Variants in ATP2C1 observed in about 807,000 individuals in gnomAD.
ATP2C1 encodes ATPase secretory pathway Ca2+ transporting 1, also known as calcium-transporting ATPase type 2C member 1.
Under a neutral mutation model 120.5 loss-of-function variants are expected in ATP2C1, and 31 were observed. The ratio of observed to expected loss-of-function variants is 0.26; its 90% CI spans 0.19 to 0.35. The LOEUF (loss-of-function observed/expected upper bound fraction) is 0.35, where lower values mean the gene tolerates loss of function less well. Ranked by LOEUF, ATP2C1 falls within the 10% of genes least tolerant of loss-of-function variation. The pLI is 1.00. For missense variants in ATP2C1, 731 were observed against 1,107.5 expected (o/e 0.66, Z 4.83); for synonymous variants, 351 against 358.7 (o/e 0.98, Z 0.24).
chr3:130,998,433 T>C, intron 26 of ATP2C1, 44 bp downstream of exon 26: 1 of 1,382,350 alleles, frequency 7.2e-7, no homozygotes, highest in Non-Finnish European at 1.0e-6. Context: ...TTGACTCACT[T>C]GAGTAGAGTG....
chr3:130,965,927 CTTTAT>C (rs376392908), intron 14 of ATP2C1, among the ~76,000 whole-genome samples: 6 of 152,166 alleles, frequency 3.9e-5, no homozygotes, highest in African/African-American at 1.2e-4. Flanking sequence ...GAATGAATCA[CTTTAT>C]TTTAACAATT....
At chr3:131,016,043 GT>G (rs34645149) in intron 26 of ATP2C1, 1,267 of 1,265,584 alleles carry the variant, frequency 1.0e-3, no homozygotes, top group Non-Finnish European at 1.2e-3. Context: ...TTTTGTTTTG[GT>G]TTTTTTTTTT....
chr3:130,855,546 T>C (rs897421728), intron 1 of ATP2C1, among the ~76,000 whole-genome samples: 1 of 152,142 alleles, frequency 6.6e-6, no homozygotes, highest in Non-Finnish European at 1.5e-5. Context: ...GTGAAACTAG[T>C]GTCACAAACT....
downstream of ATP2C1, among the ~76,000 whole-genome samples, chr3:131,006,287 T>C (rs545536807): frequency 1.2e-4 from 18 of 152,220 alleles, no homozygotes; most frequent in South Asian, 3.7e-3. Context: ...AATTTTTGCA[T>C]ATTTAGTAGA....
chr3:130,952,102 G>A (rs796883924), intron 8 of ATP2C1, among the ~76,000 whole-genome samples: 2 of 152,108 alleles, frequency 1.3e-5, no homozygotes, highest in Non-Finnish European at 2.9e-5. Flanking sequence ...GCTCTGCAGA[G>A]GATTACCTGG....
In ATP2C1 at chr3:130,997,122, A is replaced by G. The variant is rs562042116; in HGVS notation, c.2243+326A>G. ...TGGAGAAATTTCTGGGTTCAGTTTTATTATCTAGGTTCTACTGTCAGTTTT... is the reference window on the plus strand; with the variant it reads ...TGGAGAAATTTCTGGGTTCAGTTTTGTTATCTAGGTTCTACTGTCAGTTTT... On this transcript the variant is annotated intron_variant, in intron 24 of 27. Transcript: ENST00000510168. Among the ~76,000 whole-genome samples the G allele has an allele frequency of 5.9e-5, 9 of 152,174 alleles. 1 individual carries two copies. In the South Asian group the frequency reaches 1.9e-3, roughly 32 times the overall value.
intron 4 of ATP2C1, among the ~76,000 whole-genome samples, chr3:130,933,841 G>A (rs1185253358): frequency 1.3e-5 from 2 of 152,208 alleles, no homozygotes; most frequent in Admixed American, 1.3e-4. Flanking sequence ...GGGCTTTGGA[G>A]GTGGTGGCAT....
At chr3:130,987,231 C>G (rs577234807) in intron 20 of ATP2C1, among the ~76,000 whole-genome samples, 1 of 152,232 alleles carries the variant, frequency 6.6e-6, no homozygotes, top group Non-Finnish European at 1.5e-5. Context: ...CTTCTGGGCT[C>G]AAGTGATCCT....
chr3:130,907,970 G>A (rs1157470670), intron 2 of ATP2C1, among the ~76,000 whole-genome samples: 5 of 152,074 alleles, frequency 3.3e-5, no homozygotes, highest in Admixed American at 1.3e-4. Context: ...AGAAATAGAA[G>A]GCCAAAAGGT....
chr3:130,952,636 C>T (rs1209079641), intron 8 of ATP2C1, among the ~76,000 whole-genome samples: 1 of 152,094 alleles, frequency 6.6e-6, no homozygotes, highest in East Asian at 1.9e-4. Flanking sequence ...GTTTTCTTAC[C>T]AGGAGCTTGC....
intron 2 of ATP2C1, among the ~76,000 whole-genome samples, chr3:130,908,600 TACTTG>T (rs1266068448): frequency 3.3e-5 from 5 of 152,194 alleles, no homozygotes; most frequent in Non-Finnish European, 7.4e-5. Flanking sequence ...CCTTTCTCAT[TACTTG>T]ACTTTTTTTA....
chr3:130,914,193 A>C (rs986157563), intron 2 of ATP2C1: 7 of 152,202 alleles, frequency 4.6e-5, no homozygotes, highest in Admixed American at 1.3e-4. Context: ...AACTAAAAAC[A>C]GTGTATTTCT....
intron 2 of ATP2C1, among the ~76,000 whole-genome samples, chr3:130,924,879 C>T (rs1438894046): frequency 2.0e-5 from 3 of 151,824 alleles, no homozygotes; most frequent in South Asian, 2.1e-4. Flanking sequence ...CTTCCCAGTG[C>T]GTTTGGCATT....
intron 27 of ATP2C1, among the ~76,000 whole-genome samples, chr3:131,000,838 C>T (rs1577050411): frequency 6.6e-6 from 1 of 152,176 alleles, no homozygotes; most frequent in East Asian, 1.9e-4. Context: ...CGCCATGCCT[C>T]ACGCCAGTAA....
At position 130,918,311 on chromosome 3, in the gene ATP2C1, CCTT is replaced by C. The variant is rs2058778705; in HGVS notation, c.7-12101_7-12099del. 7 of 1,563,172 alleles carry C rather than the reference CCTT, an allele frequency of 4.5e-6. No individual in the cohort carries two copies. In the East Asian group the frequency reaches 1.3e-4, roughly 30 times the overall value. On this transcript the variant is annotated intron_variant, in intron 2 of 27. Coordinates refer to ENST00000510168, the MANE Select transcript of ATP2C1 (RefSeq NM_001378687.1). Reference sequence around the variant, plus strand: ...ATAGCACCCTTTACAATAGATTTCACCTTCTTTTTCAGTCAGGAGTTGTTGATT... The same window carrying C: ...ATAGCACCCTTTACAATAGATTTCACCTTTTTCAGTCAGGAGTTGTTGATT...
chr3:130,975,506 T>C lies in ATP2C1; in HGVS notation c.1570+18T>C, dbSNP rs747772502. ...ACTCAGAGGTAAGGCTATTTCAGCA[T>C]AGTCCCCTGGGGTGGAAAGGTAGAG... On this transcript the variant is annotated intron_variant, in intron 18 of 27. Transcript: ENST00000510168. The C allele has an allele frequency of 1.9e-6, 3 of 1,612,776 alleles. No individual in the cohort carries two copies. The highest frequency in any genetic ancestry group is 2.2e-5 in the East Asian group (1 of 44,708).
At chr3:131,009,725 C>G (rs1383379151) in intron 26 of ATP2C1, among the ~76,000 whole-genome samples, 1 of 152,154 alleles carries the variant, frequency 6.6e-6, no homozygotes, top group African/African-American at 2.4e-5. Context: ...CTGTATGGCT[C>G]AGAAAGCTGT....
At position 131,002,051 on chromosome 3, in the gene ATP2C1, G is replaced by A; in HGVS notation, c.*701G>A. ...AAAAAGGTATGTCTTTGGTTTGGCA[G>A]AATTCATGCAGGGCTATCAAGTGGT... On this transcript the variant is annotated 3_prime_UTR_variant, in exon 28 of 28. Coordinates refer to ENST00000510168, the MANE Select transcript of ATP2C1 (RefSeq NM_001378687.1). 1.0e-6 allele frequency: 1 copy of A among 985,608 alleles called. No individual in the cohort carries two copies. The highest frequency in any genetic ancestry group is 1.2e-6 in the Non-Finnish European group (1 of 829,832). 61.1% of individuals were successfully genotyped at this position (985,608 alleles called of 1,614,324 possible). A position where few individuals can be genotyped will look rare whatever the true frequency, so the allele number is the denominator to read the frequency against.
At chr3:130,930,147 G>T in intron 2 of ATP2C1, 1 of 435,678 alleles carries the variant, frequency 2.3e-6, no homozygotes, top group Non-Finnish European at 4.3e-6. Context: ...TCTTATGTTG[G>T]TGGAGAAATA....
Sources: gnomAD v4.1 joint callset for allele counts (sites outside exome capture counted in the v4.1 genomes callset) on GRCh38, gnomAD v4.1.1 for gene constraint, MANE v1.5 for transcripts, NCBI Gene and HGNC (gene_info 2026-07-23, HGNC 2026-07-21) for gene names.